CA8: variants seen among roughly 807,000 people sequenced by gnomAD.
CA8 encodes carbonic anhydrase-related protein.
A neutral mutation model predicts 41.4 loss-of-function variants in CA8; 22 were observed. The ratio of observed to expected loss-of-function variants is 0.53; its 90% CI spans 0.38 to 0.76. The LOEUF (loss-of-function observed/expected upper bound fraction) is 0.76, where lower values mean the gene tolerates loss of function less well. Among genes scored for constraint, CA8 ranks in the 30% least tolerant of loss-of-function variants. The pLI is 0.00. For missense variants in CA8, 270 were observed against 352.8 expected (o/e 0.77, Z 1.88); for synonymous variants, 121 against 130.6 (o/e 0.93, Z 0.50).
intron 3 of CA8, among the ~76,000 whole-genome samples, chr8:60,257,245 T>C (rs1195933966): frequency 1.3e-5 from 2 of 152,210 alleles, no homozygotes; most frequent in African/African-American, 4.8e-5. Context: ...CCCAAAGTGC[T>C]GGGATTAAAA....
At chr8:60,275,081 T>C (rs1327774016) in intron 2 of CA8, among the ~76,000 whole-genome samples, 3 of 152,144 alleles carry the variant, frequency 2.0e-5, no homozygotes, top group Non-Finnish European at 4.4e-5. Context: ...GGTGGCCAAC[T>C]TGAGCCATCC....
chr8:60,204,177 G>C (rs754388959), intron 8 of CA8, among the ~76,000 whole-genome samples: 2 of 152,168 alleles, frequency 1.3e-5, no homozygotes, highest in African/African-American at 4.8e-5. Flanking sequence ...ATACTTGAAA[G>C]CCATTTTTTA....
intron 8 of CA8, among the ~76,000 whole-genome samples, chr8:60,194,148 TC>T (rs1806211724): frequency 6.6e-6 from 1 of 152,166 alleles, no homozygotes; most frequent in African/African-American, 2.4e-5. Flanking sequence ...TCCTTACCTC[TC>T]CAAATATATG....
intron 7 of CA8, among the ~76,000 whole-genome samples, chr8:60,213,090 T>C (rs12550354): frequency 0.37 from 55,832 of 152,088 alleles, 10,710 homozygotes; most frequent in Admixed American, 0.45. Flanking sequence ...TCATTTCTCT[T>C]CTACCCCATT....
chr8:60,268,382 A>C (rs1803965043), intron 2 of CA8, among the ~76,000 whole-genome samples: 1 of 152,234 alleles, frequency 6.6e-6, no homozygotes, highest in Non-Finnish European at 1.5e-5. Flanking sequence ...AGTAAACAGC[A>C]GTCTACTAAG....
In CA8 at chr8:60,211,323, T is replaced by C. The variant is rs1242033169; in HGVS notation, c.739-2404A>G. Among the ~76,000 whole-genome samples the C allele has an allele frequency of 5.3e-5, 8 of 152,208 alleles. 1 individual carries two copies. The highest frequency in any genetic ancestry group is 1.3e-4 in the Admixed American group (2 of 15,276). On this transcript the variant is annotated intron_variant, in intron 7 of 8. Transcript: ENST00000317995. ...ATAAATATTTAGCTACAGTTGTATA[T>C]GCAGAAAGTATTTATAATAAACCAA...
chr8:60,271,993 T>C (rs1401504156), intron 2 of CA8, among the ~76,000 whole-genome samples: 8 of 152,194 alleles, frequency 5.3e-5, no homozygotes, highest in Non-Finnish European at 1.0e-4. Context: ...TAGGAGATAA[T>C]AGGACCAATA....
intron 8 of CA8, among the ~76,000 whole-genome samples, chr8:60,202,583 C>T (rs2130401769): frequency 6.6e-6 from 1 of 152,300 alleles, no homozygotes; most frequent in Admixed American, 6.5e-5. Context: ...TTTACACTTA[C>T]TTCATGCTGT....
chr8:60,266,718 C>T (rs1381634707), intron 2 of CA8, among the ~76,000 whole-genome samples: 1 of 152,102 alleles, frequency 6.6e-6, no homozygotes, highest in East Asian at 1.9e-4. Flanking sequence ...GACCTTTATC[C>T]CCAACAAGAG....
At chr8:60,192,975 A>C (rs867039874) in intron 8 of CA8, among the ~76,000 whole-genome samples, 10 of 137,472 alleles carry the variant, frequency 7.3e-5, no homozygotes, top group South Asian at 4.7e-4. Context: ...ACACACACAC[A>C]CCCCACCCCA....
chr8:60,201,765 T>G (rs1361533828), intron 8 of CA8, among the ~76,000 whole-genome samples: 1 of 152,210 alleles, frequency 6.6e-6, no homozygotes, highest in Non-Finnish European at 1.5e-5. Flanking sequence ...TGACAAATAT[T>G]TATTTGTAAG....
chr8:60,238,862 T>C (rs1807923404), intron 3 of CA8, among the ~76,000 whole-genome samples: 1 of 152,068 alleles, frequency 6.6e-6, no homozygotes, highest in Non-Finnish European at 1.5e-5. Flanking sequence ...TTCCCCAATC[T>C]GCCCTGACAC....
At chr8:60,273,276 A>T (rs979861904) in intron 2 of CA8, among the ~76,000 whole-genome samples, 8 of 152,264 alleles carry the variant, frequency 5.3e-5, no homozygotes, top group Non-Finnish European at 8.8e-5. Context: ...AAATATGTCC[A>T]GAGACTTAAA....
intron 7 of CA8, among the ~76,000 whole-genome samples, chr8:60,217,015 C>T (rs1807044101): frequency 6.6e-6 from 1 of 152,122 alleles, no homozygotes; most frequent in Non-Finnish European, 1.5e-5. Context: ...TCCCAAGTAG[C>T]TGGGATTACA....
At chr8:60,243,743 G>A (rs569012066) in intron 3 of CA8, among the ~76,000 whole-genome samples, 2 of 152,250 alleles carry the variant, frequency 1.3e-5, no homozygotes, top group South Asian at 2.1e-4. Flanking sequence ...TTCTCACACT[G>A]CCCCTTCCCC....
chr8:60,264,273 G>A (rs1220080497), intron 3 of CA8, among the ~76,000 whole-genome samples: 2 of 152,168 alleles, frequency 1.3e-5, no homozygotes, highest in East Asian at 1.9e-4. Context: ...AGAAGTTCTC[G>A]CCTCCCCATT....
intron 4 of CA8, among the ~76,000 whole-genome samples, chr8:60,227,976 C>T (rs1230904742): frequency 6.6e-6 from 1 of 152,150 alleles, no homozygotes; most frequent in East Asian, 1.9e-4. Context: ...TTTAGAACCT[C>T]AAATAAACAA....
At chr8:60,227,535 TAA>T (rs35197308) in intron 4 of CA8, among the ~76,000 whole-genome samples, 52,286 of 151,848 alleles carry the variant, frequency 0.34, 9,612 homozygotes, top group Admixed American at 0.43. Context: ...AAAATACTGT[TAA>T]ATATAAAAAT....
At chr8:60,266,363 T>G (rs185616466) in intron 2 of CA8, among the ~76,000 whole-genome samples, 1 of 152,296 alleles carries the variant, frequency 6.6e-6, no homozygotes, top group Admixed American at 6.5e-5. Flanking sequence ...CCCTTAGAGA[T>G]TTAAGCTTAG....
Sources: gnomAD v4.1 joint callset for allele counts (sites outside exome capture counted in the v4.1 genomes callset) on GRCh38, gnomAD v4.1.1 for gene constraint, MANE v1.5 for transcripts, NCBI Gene and HGNC (gene_info 2026-07-23, HGNC 2026-07-21) for gene names.